The following GTF2B variants were observed in gnomAD, a reference collection of about 807,000 sequenced individuals.
The protein encoded by GTF2B is general transcription factor IIB.
In GTF2B, 20 loss-of-function variants were observed where a neutral mutation model predicts 34.6. That is an observed-to-expected ratio of 0.58 (90% CI 0.41 to 0.84). The LOEUF (loss-of-function observed/expected upper bound fraction) is 0.84. GTF2B is among the 40% of genes least tolerant of loss of function. GTF2B has a pLI of 0.00. For synonymous variants in GTF2B, 142 were observed against 132.4 expected (o/e 1.07, Z -0.50); for missense variants, 237 against 393.3 (o/e 0.60, Z 3.36).
At chr1:88,870,181 C>G (rs1005490441) in intron 2 of GTF2B, among the ~76,000 whole-genome samples, 1 of 152,328 alleles carries the variant, frequency 6.6e-6, no homozygotes, top group South Asian at 2.1e-4. Flanking sequence ...CCGCCTTGGC[C>G]TCCCAAAGTG....
At chr1:88,866,683 C>T (rs1194246783) in intron 2 of GTF2B, among the ~76,000 whole-genome samples, 1 of 152,208 alleles carries the variant, frequency 6.6e-6, no homozygotes, top group African/African-American at 2.4e-5. Context: ...GCTGGGATTA[C>T]AGGGGTGGGC....
rs1457142977 is a variant in GTF2B, at chr1:88,860,270, C to T, written c.275G>A (p.Ser92Asn). The change falls in exon 4 of 7, where the codon AGT becomes AAT. Residue 92 changes from serine to asparagine, a missense_variant. Physicochemically the swap from Ser to Asn is conservative, Grantham distance 46 (BLOSUM62 1). Coordinates refer to ENST00000370500, the MANE Select transcript of GTF2B (RefSeq NM_001514.6). ...TMIGKGTGAA[S>N]FDEFGNSKYQ... ...CTTAGAATTGCCAAATTCGTCAAAACTTGCAGCTCCTGTGCCCTATAAAAC... is the reference window on the plus strand; with the variant it reads ...CTTAGAATTGCCAAATTCGTCAAAATTTGCAGCTCCTGTGCCCTATAAAAC... 1 of 1,613,922 alleles carries T rather than the reference C, an allele frequency of 6.2e-7. No homozygotes were observed. Among genetic ancestry groups the T allele is most frequent in the African/African-American group, 1.3e-5 (1 of 74,926 alleles).
At chr1:88,891,446 G>C (rs571825574) in intron 1 of GTF2B, 37 bp downstream of exon 1, 1 of 1,575,398 alleles carries the variant, frequency 6.3e-7, no homozygotes, top group Non-Finnish European at 8.7e-7. Flanking sequence ...GCTCGCGCCC[G>C]CCCCTCAGCT....
chr1:88,882,339 G>GAAA (rs1673970928), intron 2 of GTF2B, among the ~76,000 whole-genome samples: 1 of 115,666 alleles, frequency 8.6e-6, no homozygotes, highest in Non-Finnish European at 1.7e-5. Context: ...AAAAAAAAAC[G>GAAA]CTACAGAGGT....
chr1:88,884,610 T>C (rs1674022169), intron 2 of GTF2B, among the ~76,000 whole-genome samples: 1 of 152,260 alleles, frequency 6.6e-6, no homozygotes, highest in Non-Finnish European at 1.5e-5. Flanking sequence ...ATAAGCCACT[T>C]AGAAACTTTA....
intron 2 of GTF2B, among the ~76,000 whole-genome samples, chr1:88,883,392 G>T (rs374127711): frequency 1.3e-5 from 2 of 152,172 alleles, no homozygotes; most frequent in Non-Finnish European, 2.9e-5. Flanking sequence ...TATTTTGTTA[G>T]AAATATTCAG....
At chr1:88,866,666 C>G (rs1372250330) in intron 2 of GTF2B, among the ~76,000 whole-genome samples, 1 of 152,194 alleles carries the variant, frequency 6.6e-6, no homozygotes, top group East Asian at 1.9e-4. Context: ...CCTCGGCCTC[C>G]CCAAGTGCTG....
intron 2 of GTF2B, among the ~76,000 whole-genome samples, chr1:88,874,324 AT>A (rs1424057959): frequency 2.0e-5 from 3 of 151,346 alleles, no homozygotes; most frequent in African/African-American, 7.3e-5. Flanking sequence ...ATTTTGTTTT[AT>A]TTTTTGGAGG....
intron 2 of GTF2B, among the ~76,000 whole-genome samples, chr1:88,873,368 T>C (rs1244816056): frequency 6.6e-6 from 1 of 151,838 alleles, no homozygotes; most frequent in Non-Finnish European, 1.5e-5. Context: ...GCCCAGCTAA[T>C]TTTTGTATTT....
At position 88,852,688 on chromosome 1, in the gene GTF2B, C is replaced by T. The variant is rs1256663554; in HGVS notation, c.*525G>A. ...AAGCTGGTGCCTTTCAAGGCCCAAGCTCATCACTTCTTGTTTAATAATATA... is the reference window on the plus strand; with the variant it reads ...AAGCTGGTGCCTTTCAAGGCCCAAGTTCATCACTTCTTGTTTAATAATATA... On this transcript the variant is annotated 3_prime_UTR_variant, in exon 7 of 7. Transcript: ENST00000370500. 6.7e-6 allele frequency among the ~76,000 whole-genome samples: 1 copy of T among 150,352 alleles called. No homozygotes were observed. The highest frequency in any genetic ancestry group is 1.5e-5 in the Non-Finnish European group (1 of 68,026).
chr1:88,890,129 T>C (rs910733457), intron 1 of GTF2B, among the ~76,000 whole-genome samples: 2 of 151,228 alleles, frequency 1.3e-5, no homozygotes, highest in Non-Finnish European at 1.5e-5. Flanking sequence ...TAGAAAAAAA[T>C]TTCAGACTTA....
chr1:88,867,355 ATGGTAT>A (rs1371982833), intron 2 of GTF2B, among the ~76,000 whole-genome samples: 1 of 152,222 alleles, frequency 6.6e-6, no homozygotes, highest in Non-Finnish European at 1.5e-5. Flanking sequence ...AAACACCAGC[ATGGTAT>A]TTTTAGACAG....
chr1:88,867,175 G>C (rs1673580245), intron 2 of GTF2B, among the ~76,000 whole-genome samples: 1 of 152,044 alleles, frequency 6.6e-6, no homozygotes, highest in Admixed American at 6.6e-5. Context: ...CAAAATATTT[G>C]CTCACTAAAA....
chr1:88,872,609 T>A (rs1048594957), intron 2 of GTF2B, among the ~76,000 whole-genome samples: 2 of 152,140 alleles, frequency 1.3e-5, no homozygotes, highest in African/African-American at 4.8e-5. Context: ...CTGCTAGGAA[T>A]GTAAAGTTTT....
At chr1:88,882,310 C>CAAAA (rs59699371) in intron 2 of GTF2B, among the ~76,000 whole-genome samples, 2 of 36,016 alleles carry the variant, frequency 5.6e-5, no homozygotes, top group African/African-American at 8.1e-5. Flanking sequence ...ACTCTCACTC[C>CAAAA]AAAAAAAAAA....
chr1:88,887,290 A>G lies in GTF2B; in HGVS notation c.95T>C (p.Met32Thr), dbSNP rs771847209. The stretch of plus-strand genomic sequence containing the variant: ...AACCAAGCCACATTCAGGACAGATC[A>G]TATCACCGGCTCTGTAGTCCTCCAC... ...ILVEDYRAGD[M>T]ICPECGLVVG... The change falls in exon 2 of 7, where the codon ATG (methionine) becomes ACG (threonine). Residue 32 changes from methionine (M) to threonine (T), a missense_variant. Met to Thr is a moderately conservative substitution (Grantham distance 81). Transcript: ENST00000370500. 28 of 1,608,874 alleles carry G rather than the reference A, an allele frequency of 1.7e-5. No homozygotes were observed. The highest frequency in any genetic ancestry group is 2.3e-5 in the Non-Finnish European group (27 of 1,175,350).
At chr1:88,856,443 G>GA (rs1673316198) in intron 6 of GTF2B, among the ~76,000 whole-genome samples, 1 of 60,656 alleles carries the variant, frequency 1.6e-5, no homozygotes, top group Non-Finnish European at 4.8e-5. Context: ...GTGCAAAATG[G>GA]GAAAAAACCA....
chr1:88,853,746 G>A (rs1275127540), intron 6 of GTF2B, among the ~76,000 whole-genome samples: 5 of 152,206 alleles, frequency 3.3e-5, no homozygotes, highest in African/African-American at 1.2e-4. Context: ...GGAGGTTGCA[G>A]TGAGCCGAGA....
intron 5 of GTF2B, among the ~76,000 whole-genome samples, chr1:88,859,259 C>A (rs1673384597): frequency 6.6e-6 from 1 of 152,104 alleles, no homozygotes; most frequent in South Asian, 2.1e-4. Context: ...GTATAAACGG[C>A]CTACTTTGGT....
Sources: allele counts gnomAD v4.1 joint callset (sites outside exome capture counted in the v4.1 genomes callset), GRCh38; gene constraint gnomAD v4.1.1; transcripts MANE v1.5; gene names NCBI Gene and HGNC (gene_info 2026-07-23, HGNC 2026-07-21).